Variants in SLMAP observed in about 807,000 individuals in gnomAD.
SLMAP encodes sarcolemmal membrane-associated protein.
SLMAP carries 44 observed loss-of-function variants against 128.8 expected under a neutral mutation model. That is an observed-to-expected ratio of 0.34 (90% confidence interval 0.27 to 0.44). SLMAP has a LOEUF of 0.44. Ranked by LOEUF, SLMAP falls within the 20% of genes least tolerant of loss-of-function variation. SLMAP has a pLI of 1.00. For missense variants in SLMAP, 787 were observed against 985.3 expected, an observed-to-expected ratio of 0.80 and a Z score of 2.69; for synonymous variants, 327 against 348.8, an observed-to-expected ratio of 0.94 and a Z score of 0.70.
intron 2 of SLMAP, among the ~76,000 whole-genome samples, chr3:57,824,650 A>G (rs1389135641): frequency 6.6e-6 from 1 of 152,108 alleles, no homozygotes; most frequent in African/African-American, 2.4e-5. Context: ...TGATTACTGT[A>G]CCTCTGTAGT....
intron 2 of SLMAP, among the ~76,000 whole-genome samples, chr3:57,777,641 A>G (rs1420300780): frequency 1.3e-5 from 2 of 152,198 alleles, no homozygotes; most frequent in Admixed American, 6.5e-5. Context: ...TGTAAAACAT[A>G]TATCACTTGC....
intron 14 of SLMAP, among the ~76,000 whole-genome samples, chr3:57,888,545 A>T (rs994512863): frequency 1.7e-4 from 26 of 151,694 alleles, no homozygotes; most frequent in African/African-American, 6.3e-4. Context: ...TGAACCCGGG[A>T]GGCAGAGGTT....
chr3:57,906,317 T>TTG (rs1553637805), intron 17 of SLMAP, among the ~76,000 whole-genome samples: 1 of 121,716 alleles, frequency 8.2e-6, no homozygotes, highest in African/African-American at 3.1e-5. Flanking sequence ...TTTCTTTTTT[T>TTG]TTTTTTTTTT....
intron 17 of SLMAP, among the ~76,000 whole-genome samples, chr3:57,907,176 T>TGA (rs2096590481): frequency 6.6e-6 from 1 of 152,046 alleles, no homozygotes; most frequent in African/African-American, 2.4e-5. Flanking sequence ...TACTGGCACC[T>TGA]GCCACCACGC....
At chr3:57,762,710 G>A (rs1165960963) in intron 2 of SLMAP, among the ~76,000 whole-genome samples, 2 of 107,756 alleles carry the variant, frequency 1.9e-5, no homozygotes, top group African/African-American at 3.7e-5. Flanking sequence ...TAGTAGAATG[G>A]TTTTTTTTTT....
chr3:57,768,512 A>T (rs1038208661), intron 2 of SLMAP, among the ~76,000 whole-genome samples: 4 of 152,154 alleles, frequency 2.6e-5, no homozygotes, highest in Non-Finnish European at 2.9e-5. Flanking sequence ...TGAGGCCAGG[A>T]TTTCAAGTTC....
chr3:57,823,035 CAG>C (rs1208474270), intron 2 of SLMAP, among the ~76,000 whole-genome samples: 6 of 152,114 alleles, frequency 3.9e-5, no homozygotes, highest in Non-Finnish European at 1.5e-5. Flanking sequence ...GCCTGATTTC[CAG>C]AGTTACCACA....
At chr3:57,841,226 TA>T in intron 3 of SLMAP, 72 bp from the exon 4 acceptor site, 1 of 833,320 alleles carries the variant, frequency 1.2e-6, no homozygotes, top group Non-Finnish European at 1.9e-6. Context: ...AAACTATGTT[TA>T]CATATGAGAG....
chr3:57,759,235 C>T (rs2078150720), intron 2 of SLMAP, among the ~76,000 whole-genome samples: 1 of 151,774 alleles, frequency 6.6e-6, no homozygotes, highest in African/African-American at 2.4e-5. Flanking sequence ...TCCTCGCAAG[C>T]TGAAGTTAGG....
intron 15 of SLMAP, chr3:57,890,322 G>GT: frequency 4.7e-6 from 2 of 424,118 alleles, no homozygotes; most frequent in Non-Finnish European, 4.2e-6. Flanking sequence ...TATATTTATG[G>GT]TTTTTTGAAT....
At chr3:57,787,474 T>C (rs1180643691) in intron 2 of SLMAP, among the ~76,000 whole-genome samples, 2 of 152,186 alleles carry the variant, frequency 1.3e-5, no homozygotes, top group Non-Finnish European at 2.9e-5. Context: ...CATTTGCTTA[T>C]TGGGCATCTC....
At chr3:57,847,034 A>T (rs2094290321) in intron 4 of SLMAP, among the ~76,000 whole-genome samples, 163 bp from the exon 5 acceptor site, 1 of 152,200 alleles carries the variant, frequency 6.6e-6, no homozygotes, top group Non-Finnish European at 1.5e-5. Context: ...TTTGTTTTCT[A>T]AGAATTTTAT....
chr3:57,865,140 A>G, intron 12 of SLMAP, 102 bp from the exon 13 acceptor site: 1 of 658,820 alleles, frequency 1.5e-6, no homozygotes, highest in Non-Finnish European at 2.6e-6. Flanking sequence ...AGTGTTCTAT[A>G]CAATCTTAAT....
intron 2 of SLMAP, among the ~76,000 whole-genome samples, chr3:57,817,374 A>G (rs1038006620): frequency 2.0e-5 from 3 of 152,212 alleles, no homozygotes; most frequent in Non-Finnish European, 4.4e-5. Flanking sequence ...TCACAAATCC[A>G]TTCTATTATT....
chr3:57,846,064 A>G (rs1417556427), intron 4 of SLMAP, among the ~76,000 whole-genome samples: 2 of 151,882 alleles, frequency 1.3e-5, no homozygotes, highest in Admixed American at 6.6e-5. Context: ...CTGGTCTCGA[A>G]CTCCTGACCT....
rs200740968 is a variant in SLMAP, at chr3:57,764,512, AG to A, written c.198+6664del. Reference sequence around the variant, plus strand: ...GGGAGACTGCATCTCAAAAAAAAAAAGAAAAGAAAAGAAAGAAAGAGTGATA... The same window carrying A: ...GGGAGACTGCATCTCAAAAAAAAAAAAAAAGAAAAGAAAGAAAGAGTGATA... On this transcript the variant is annotated intron_variant, in intron 2 of 24. Coordinates refer to ENST00000671191, the MANE Select transcript of SLMAP (RefSeq NM_001377540.1). Among the ~76,000 whole-genome samples, 498 of 149,446 alleles carry A rather than the reference AG, an allele frequency of 3.3e-3. 9 individuals are homozygous for A. The highest frequency in any genetic ancestry group is 8.1e-3 in the African/African-American group (332 of 40,912).
chr3:57,808,015 A>C, intron 2 of SLMAP, among the ~76,000 whole-genome samples: 1 of 152,284 alleles, frequency 6.6e-6, no homozygotes, highest in Non-Finnish European at 1.5e-5. Context: ...GTATGTGTCC[A>C]GGACTTTATG....
Position 57,846,714 on chromosome 3 carries a change from G to A in SLMAP, c.420-483G>A, listed in dbSNP as rs142214278. On this transcript the variant is annotated intron_variant, in intron 4 of 24. Transcript: ENST00000671191. ...TGGGACTAATGGTGTGCGCCACCAC[G>A]CCCAGCTAATTTTTTTATATTTTTA... is the stretch of plus-strand genomic sequence containing the variant. Among the ~76,000 whole-genome samples, 20 of 151,786 alleles carry A rather than the reference G, an allele frequency of 1.3e-4. No homozygotes were observed. In the East Asian group the frequency reaches 1.4e-3, roughly 10 times the overall value.
rs2093336453 is a variant in SLMAP at position 57,831,546 on chromosome 3, A to G, written c.346+16A>G. On this transcript the variant is annotated intron_variant, in intron 3 of 24. Coordinates refer to ENST00000671191, the MANE Select transcript of SLMAP (RefSeq NM_001377540.1). Reference sequence around the variant, plus strand: ...ACACGGAAAGGTACGGGTATGGATCACTTTTTTTATTACTTGTCTTTTAAA... The same window carrying G: ...ACACGGAAAGGTACGGGTATGGATCGCTTTTTTTATTACTTGTCTTTTAAA... 6.9e-7 allele frequency: 1 copy of G among 1,449,080 alleles called. No homozygotes were observed. Among genetic ancestry groups the G allele is most frequent in the Admixed American group, 2.6e-5 (1 of 39,058 alleles). The allele number at this position is 1,449,080 out of a possible 1,614,324, so 89.8% of individuals were successfully genotyped here. A position where few individuals can be genotyped will look rare whatever the true frequency, so the allele number is the denominator to read the frequency against.
Sources: gnomAD v4.1 joint callset for allele counts (sites outside exome capture counted in the v4.1 genomes callset) on GRCh38, gnomAD v4.1.1 for gene constraint, MANE v1.5 for transcripts, NCBI Gene and HGNC (gene_info 2026-07-23, HGNC 2026-07-21) for gene names.